The following OCIAD2 variants were observed in gnomAD, a reference collection of about 807,000 sequenced individuals.
The protein encoded by OCIAD2 is OCIA domain containing 2.
OCIAD2 carries 29 observed loss-of-function variants against 22.9 expected under a neutral mutation model. The observed-to-expected ratio is 1.27, with a 90% CI of 0.94 to 1.73. The LOEUF (loss-of-function observed/expected upper bound fraction) is 1.73, where lower values mean the gene tolerates loss of function less well. Among genes scored for constraint, OCIAD2 ranks in the 40% most tolerant of loss-of-function variants. The pLI is 0.00. For missense variants in OCIAD2, 189 were observed against 180.3 expected (o/e 1.05, Z -0.28); for synonymous variants, 67 against 60.2 (o/e 1.11, Z -0.52).
chr4:48,902,895 G>A (rs181199262), intron 2 of OCIAD2, among the ~76,000 whole-genome samples: 2 of 152,280 alleles, frequency 1.3e-5, no homozygotes, highest in South Asian at 2.1e-4. Context: ...GGAGGTTGCA[G>A]TGAGCCAAGA....
intron 1 of OCIAD2, among the ~76,000 whole-genome samples, chr4:48,906,386 C>T (rs1484603306): frequency 1.3e-5 from 2 of 152,160 alleles, no homozygotes; most frequent in East Asian, 3.9e-4. Context: ...CAGGGCTGGA[C>T]GGCGGACGGG....
chr4:48,886,793 A>G (rs1222175470), intron 6 of OCIAD2, among the ~76,000 whole-genome samples: 8 of 142,466 alleles, frequency 5.6e-5, no homozygotes, highest in Non-Finnish European at 1.1e-4. Flanking sequence ...TAGTGCCACA[A>G]TAAACATACG....
chr4:48,896,127 T>A (rs532389654), intron 4 of OCIAD2, among the ~76,000 whole-genome samples: 1 of 152,288 alleles, frequency 6.6e-6, no homozygotes, highest in East Asian at 1.9e-4. Context: ...AAAAATGCTA[T>A]CTTCAAATTA....
At chr4:48,900,323 G>T (rs1314805248) in intron 2 of OCIAD2, among the ~76,000 whole-genome samples, 1 of 152,084 alleles carries the variant, frequency 6.6e-6, no homozygotes, top group African/African-American at 2.4e-5. Flanking sequence ...TTGTCTCCTG[G>T]GTGAGGAAAG....
chr4:48,888,980 G>T (rs1215908165), intron 6 of OCIAD2, among the ~76,000 whole-genome samples: 1 of 152,068 alleles, frequency 6.6e-6, no homozygotes, highest in Non-Finnish European at 1.5e-5. Context: ...ACTTTTTTTG[G>T]TTGGTAAGCT....
chr4:48,899,655 A>G (rs1337399125), intron 3 of OCIAD2, among the ~76,000 whole-genome samples, 174 bp downstream of exon 3: 1 of 152,168 alleles, frequency 6.6e-6, no homozygotes, highest in Non-Finnish European at 1.5e-5. Flanking sequence ...TTAATCAGAT[A>G]TTATCTCTGC....
intron 4 of OCIAD2, among the ~76,000 whole-genome samples, chr4:48,894,866 G>A (rs1327064278): frequency 1.3e-5 from 2 of 152,074 alleles, no homozygotes; most frequent in African/African-American, 4.8e-5. Flanking sequence ...ACCCACATCC[G>A]AATTCCTGGA....
intron 6 of OCIAD2, 60 bp downstream of exon 6, chr4:48,892,712 A>G: frequency 4.7e-6 from 4 of 847,304 alleles, no homozygotes; most frequent in Non-Finnish European, 7.4e-6. Flanking sequence ...AATAGTGAGT[A>G]ATCTTTCATT....
chr4:48,891,931 C>T (rs1353968885), intron 6 of OCIAD2, among the ~76,000 whole-genome samples: 1 of 152,212 alleles, frequency 6.6e-6, no homozygotes, highest in Non-Finnish European at 1.5e-5. Context: ...GGGTCTCATG[C>T]AGCTCATCAG....
intron 2 of OCIAD2, among the ~76,000 whole-genome samples, chr4:48,900,157 C>T (rs552661637): frequency 2.0e-5 from 3 of 152,134 alleles, no homozygotes; most frequent in Admixed American, 6.5e-5. Context: ...CACTGACTGG[C>T]GCAGGCAGCA....
intron 3 of OCIAD2, 57 bp from the exon 4 acceptor site, chr4:48,897,914 G>A (rs1348210526): frequency 2.5e-6 from 3 of 1,178,706 alleles, no homozygotes; most frequent in Non-Finnish European, 3.8e-6. Flanking sequence ...ACCTCACCTA[G>A]AAGTTAGGGA....
intron 6 of OCIAD2, among the ~76,000 whole-genome samples, chr4:48,889,323 T>C (rs978514174): frequency 6.6e-6 from 1 of 151,916 alleles, no homozygotes; most frequent in African/African-American, 2.4e-5. Context: ...AAGGGTTTTT[T>C]ATGTCTCTAT....
At position 48,892,901 on chromosome 4, in the gene OCIAD2, G is replaced by A; in HGVS notation, c.266-12C>T. The A allele has an allele frequency of 7.2e-7, 1 of 1,392,116 alleles. No homozygotes were observed. Among genetic ancestry groups the A allele is most frequent in the Non-Finnish European group, 1.0e-6 (1 of 992,920 alleles). 86.2% of individuals were successfully genotyped at this position (1,392,116 alleles called of 1,614,324 possible). A position where few individuals can be genotyped will look rare whatever the true frequency, so the allele number is the denominator to read the frequency against. The stretch of plus-strand genomic sequence containing the variant: ...CAAGAGACCAGCAACTGTAAAAGCA[G>A]GTTGGGAGAGATTAGTTGAGAATCT... On this transcript the variant is annotated splice_polypyrimidine_tract_variant and intron_variant, in intron 5 of 6. Coordinates refer to ENST00000508632, the MANE Select transcript of OCIAD2 (RefSeq NM_001014446.3).
At chr4:48,885,655 A>G (rs1318984383) in intron 6 of OCIAD2, 90 bp from the exon 7 acceptor site, 4 of 743,812 alleles carry the variant, frequency 5.4e-6, no homozygotes, top group Admixed American at 4.5e-5. Context: ...TTATTTTAAC[A>G]TAATCTTTTT....
At chr4:48,902,201 C>A (rs967777399) in intron 2 of OCIAD2, among the ~76,000 whole-genome samples, 6 of 152,130 alleles carry the variant, frequency 3.9e-5, no homozygotes, top group African/African-American at 1.4e-4. Context: ...GGTTGAGGTG[C>A]AGCTCCTTAA....
chr4:48,901,948 T>TGG (rs201869993), intron 2 of OCIAD2, among the ~76,000 whole-genome samples: 2 of 150,396 alleles, frequency 1.3e-5, no homozygotes, highest in Admixed American at 6.6e-5. Context: ...GGGGGAGGCG[T>TGG]GGGGGGGGCG....
At chr4:48,903,461 A>AC (rs1306969137) in intron 2 of OCIAD2, among the ~76,000 whole-genome samples, 1 of 151,894 alleles carries the variant, frequency 6.6e-6, no homozygotes, top group African/African-American at 2.4e-5. Context: ...ATATAATGAG[A>AC]CCCCCATCTC....
rs1224923082 is a variant in OCIAD2, at chr4:48,892,900, A to C, written c.266-11T>G. 2 of 1,391,910 alleles carry C rather than the reference A, an allele frequency of 1.4e-6. No homozygotes were observed. Among genetic ancestry groups the C allele is most frequent in the Non-Finnish European group, 1.0e-6 (1 of 992,456 alleles). 86.2% of individuals were successfully genotyped at this position (1,391,910 alleles called of 1,614,324 possible). ...CCAAGAGACCAGCAACTGTAAAAGC[A>C]GGTTGGGAGAGATTAGTTGAGAATC... On this transcript the variant is annotated splice_polypyrimidine_tract_variant and intron_variant, in intron 5 of 6. Transcript: ENST00000508632.
intron 6 of OCIAD2, among the ~76,000 whole-genome samples, chr4:48,890,857 G>C (rs1296821444): frequency 2.0e-5 from 3 of 152,128 alleles, no homozygotes; most frequent in Non-Finnish European, 4.4e-5. Context: ...GCCAGCAACT[G>C]CTATTGTAAA....
Sources: allele counts gnomAD v4.1 joint callset (sites outside exome capture counted in the v4.1 genomes callset), GRCh38; gene constraint gnomAD v4.1.1; transcripts MANE v1.5; gene names NCBI Gene and HGNC (gene_info 2026-07-23, HGNC 2026-07-21).